The following ERC2 variants were observed in gnomAD, a reference collection of about 807,000 sequenced individuals.
ERC2 encodes ELKS/RAB6-interacting/CAST family member 2.
In ERC2, 42 loss-of-function variants were observed where a neutral mutation model predicts 114.8. The ratio of observed to expected loss-of-function variants is 0.37; its 90% CI spans 0.29 to 0.47. ERC2 has a LOEUF of 0.47. Ranked by LOEUF, ERC2 falls within the 20% of genes least tolerant of loss-of-function variation. The pLI is 0.99. For synonymous variants in ERC2, 454 were observed against 425.5 expected (o/e 1.07, Z -0.82); for missense variants, 939 against 1,150.7 (o/e 0.82, Z 2.66).
rs71096498 is a variant in ERC2, at chr3:55,729,837, C to CAAAAAAAAAAAAAAAAAAAAAAA, written c.2712+4911_2712+4933dup. On this transcript the variant is annotated intron_variant, in intron 15 of 17. Transcript: ENST00000288221. ...AGGGTAATGCAGTGAGACTCTATCG[C>CAAAAAAAAAAAAAAAAAAAAAAA]AAAAAAAAAAAAAAAAAAAAAAAAA... Among the ~76,000 whole-genome samples the CAAAAAAAAAAAAAAAAAAAAAAA allele has an allele frequency of 7.8e-4, 48 of 61,636 alleles. 18 individuals carry two copies. The highest frequency in any genetic ancestry group is 2.7e-3 in the African/African-American group (31 of 11,690). 40.4% of individuals were successfully genotyped at this position (61,636 alleles called of 152,430 possible).
chr3:55,921,947 C>T (rs1185652980), intron 13 of ERC2, among the ~76,000 whole-genome samples: 1 of 152,038 alleles, frequency 6.6e-6, no homozygotes, highest in Non-Finnish European at 1.5e-5. Flanking sequence ...TACCTCTTTG[C>T]TCTTGCTAAA....
chr3:56,192,194 G>A (rs565046744), intron 3 of ERC2, among the ~76,000 whole-genome samples: 36 of 152,252 alleles, frequency 2.4e-4, no homozygotes, highest in African/African-American at 8.2e-4. Context: ...CAGGATCTCT[G>A]GGAGGGTTGG....
At chr3:55,759,115 C>A (rs2067246441) in intron 14 of ERC2, among the ~76,000 whole-genome samples, 1 of 152,112 alleles carries the variant, frequency 6.6e-6, no homozygotes. Context: ...GACATTTCAG[C>A]CTCCCCCAGT....
intron 17 of ERC2, among the ~76,000 whole-genome samples, chr3:55,609,542 T>A (rs1404303877): frequency 6.6e-6 from 1 of 152,092 alleles, no homozygotes; most frequent in Admixed American, 6.5e-5. Flanking sequence ...AGAAACTGGT[T>A]CCAGGAAACA....
chr3:55,822,366 T>C (rs2060158550), intron 14 of ERC2, among the ~76,000 whole-genome samples: 2 of 152,186 alleles, frequency 1.3e-5, no homozygotes, highest in East Asian at 1.9e-4. Flanking sequence ...GTTGCTACAA[T>C]ATAATCTTCA....
At chr3:56,429,390 C>G (rs963736354) in intron 2 of ERC2, among the ~76,000 whole-genome samples, 1 of 152,194 alleles carries the variant, frequency 6.6e-6, no homozygotes, top group Non-Finnish European at 1.5e-5. Context: ...CATCCCTCCC[C>G]CAACTGTTCT....
chr3:56,294,359 C>A (rs2055290946), intron 3 of ERC2, among the ~76,000 whole-genome samples: 1 of 152,246 alleles, frequency 6.6e-6, no homozygotes, highest in Admixed American at 6.5e-5. Flanking sequence ...CTCTCACAGC[C>A]TGCAATCAAG....
chr3:56,229,962 G>T (rs1026628339), intron 3 of ERC2, among the ~76,000 whole-genome samples: 2 of 149,480 alleles, frequency 1.3e-5, no homozygotes, highest in Non-Finnish European at 3.0e-5. Context: ...GCCTTCTGGG[G>T]TCAAGCAATT....
At chr3:56,347,015 A>G (rs1322946351) in intron 2 of ERC2, among the ~76,000 whole-genome samples, 1 of 152,206 alleles carries the variant, frequency 6.6e-6, no homozygotes, top group Non-Finnish European at 1.5e-5. Context: ...TAAGTTTCCA[A>G]AACATGAATT....
intron 7 of ERC2, among the ~76,000 whole-genome samples, chr3:56,052,281 G>C (rs2075808138): frequency 6.6e-6 from 1 of 152,206 alleles, no homozygotes; most frequent in South Asian, 2.1e-4. Context: ...TGGCCACATG[G>C]ATTCTGTCCT....
At chr3:55,930,540 G>A (rs530866856) in intron 13 of ERC2, among the ~76,000 whole-genome samples, 16 of 152,116 alleles carry the variant, frequency 1.1e-4, no homozygotes, top group African/African-American at 3.1e-4. Flanking sequence ...TTGGGAAAAC[G>A]GGCTAGCCAT....
intron 3 of ERC2, among the ~76,000 whole-genome samples, chr3:56,179,553 T>C (rs1378186635): frequency 6.6e-6 from 1 of 152,032 alleles, no homozygotes; most frequent in Non-Finnish European, 1.5e-5. Flanking sequence ...GATAGAACCT[T>C]GGACCATGGT....
chr3:56,436,717 G>C (rs1408166612), intron 1 of ERC2, among the ~76,000 whole-genome samples: 35 of 152,168 alleles, frequency 2.3e-4, no homozygotes, highest in Admixed American at 2.3e-3. Context: ...GGTCCAACAA[G>C]ACTCCATACT....
chr3:56,106,022 A>T (rs2078639514), intron 6 of ERC2, among the ~76,000 whole-genome samples: 1 of 152,258 alleles, frequency 6.6e-6, no homozygotes, highest in South Asian at 2.1e-4. Context: ...TTTCTGGTAC[A>T]GAAAGAAACT....
intron 13 of ERC2, among the ~76,000 whole-genome samples, chr3:55,929,529 T>C (rs2065946383): frequency 6.6e-6 from 1 of 152,190 alleles, no homozygotes; most frequent in African/African-American, 2.4e-5. Context: ...AAGCTTGCTT[T>C]CAAATAAGGA....
intron 13 of ERC2, among the ~76,000 whole-genome samples, chr3:55,924,038 G>T (rs2065605184): frequency 6.6e-6 from 1 of 152,106 alleles, no homozygotes; most frequent in Admixed American, 6.5e-5. Context: ...CAATATTATA[G>T]ATGTAAGGAG....
chr3:56,365,985 T>A (rs1246948926), intron 2 of ERC2, among the ~76,000 whole-genome samples: 2 of 152,200 alleles, frequency 1.3e-5, no homozygotes, highest in Non-Finnish European at 2.9e-5. Flanking sequence ...ATAACAGAAC[T>A]CTGACCTACA....
At chr3:56,311,841 G>T (rs1387053011) in intron 2 of ERC2, among the ~76,000 whole-genome samples, 1 of 151,608 alleles carries the variant, frequency 6.6e-6, no homozygotes, top group Non-Finnish European at 1.5e-5. Context: ...GTGTGTGTGT[G>T]TGTGTGTGTG....
intron 17 of ERC2, among the ~76,000 whole-genome samples, chr3:55,546,817 C>T (rs2054787045): frequency 6.6e-6 from 1 of 152,232 alleles, no homozygotes; most frequent in Admixed American, 6.5e-5. Flanking sequence ...CCTAACCCAG[C>T]CACTTACAAC....
Sources: gnomAD v4.1 joint callset for allele counts (sites outside exome capture counted in the v4.1 genomes callset) on GRCh38, gnomAD v4.1.1 for gene constraint, MANE v1.5 for transcripts, NCBI Gene and HGNC (gene_info 2026-07-23, HGNC 2026-07-21) for gene names.